The following NDST4 variants were observed in gnomAD, a reference collection of about 807,000 sequenced individuals.
NDST4 encodes the protein N-heparan sulfate sulfotransferase 4.
In NDST4, 63 loss-of-function variants were observed where a neutral mutation model predicts 100.8. That is an observed-to-expected ratio of 0.62 (90% CI 0.51 to 0.77). NDST4 has a LOEUF of 0.77. Ranked by LOEUF, NDST4 falls within the 30% of genes least tolerant of loss-of-function variation. The pLI is 0.00. For synonymous variants in NDST4, 377 were observed against 361.8 expected, an observed-to-expected ratio of 1.04 and a Z score of -0.48; for missense variants, 943 against 1,018.4, an observed-to-expected ratio of 0.93 and a Z score of 1.01.
chr4:114,952,039 T>G (rs1249202885), intron 4 of NDST4, among the ~76,000 whole-genome samples: 1 of 152,168 alleles, frequency 6.6e-6, no homozygotes, highest in East Asian at 1.9e-4. Flanking sequence ...ATAATTTTCA[T>G]GTATAGGTAT....
chr4:114,955,315 T>C (rs1352663920), intron 4 of NDST4, among the ~76,000 whole-genome samples: 1 of 152,014 alleles, frequency 6.6e-6, no homozygotes, highest in Non-Finnish European at 1.5e-5. Context: ...TAGTCATCAA[T>C]GAGTAAGTAG....
intron 6 of NDST4, among the ~76,000 whole-genome samples, chr4:114,915,475 G>A (rs1011498585): frequency 1.3e-5 from 2 of 152,148 alleles, no homozygotes; most frequent in South Asian, 4.1e-4. Context: ...CAGTCAAAAT[G>A]TGCAAAGAGT....
At chr4:114,936,165 G>A (rs1725624740) in intron 5 of NDST4, among the ~76,000 whole-genome samples, 1 of 151,482 alleles carries the variant, frequency 6.6e-6, no homozygotes, top group Non-Finnish European at 1.5e-5. Context: ...AGATACAGAA[G>A]GTAAAGGAAA....
At chr4:114,867,825 G>T (rs896948278) in intron 7 of NDST4, among the ~76,000 whole-genome samples, 3 of 152,052 alleles carry the variant, frequency 2.0e-5, no homozygotes, top group Non-Finnish European at 4.4e-5. Context: ...TACAGTCTGG[G>T]GATTGCATTT....
intron 6 of NDST4, among the ~76,000 whole-genome samples, chr4:114,889,553 G>A (rs1724548873): frequency 6.6e-6 from 1 of 152,130 alleles, no homozygotes; most frequent in Non-Finnish European, 1.5e-5. Flanking sequence ...GCCATATTTG[G>A]AACAAAGCAC....
chr4:115,042,114 A>G (rs1219242965), intron 2 of NDST4, among the ~76,000 whole-genome samples: 69 of 152,272 alleles, frequency 4.5e-4, no homozygotes, highest in Admixed American at 4.5e-3. Context: ...AAATATTAAT[A>G]AATGGAAAAT....
intron 2 of NDST4, among the ~76,000 whole-genome samples, chr4:115,057,709 CACACACACACACACACACACACACAG>C (rs1371992811): frequency 1.9e-3 from 210 of 111,692 alleles, no homozygotes; most frequent in African/African-American, 9.1e-3. Context: ...CACGCACACA[CACACACACACACACACACACACACAG>C]ACACACACAC....
Position 114,848,278 on chromosome 4 carries a change from C to T in NDST4, c.1877G>A (p.Ser626Asn), listed in dbSNP as rs1190816608. ...CTGAACTTCCTCAAATGTCTTTGGA[C>T]TAGGGAGATTGCTGATGATTGAAGG... ...MHPSIISNLP[S>N]PKTFEEVQFF... Residue 626 changes from serine (S) to asparagine (N), a missense_variant, in exon 9 of 14, where the codon AGT becomes AAT. Transcript: ENST00000264363. The T allele has an allele frequency of 6.2e-7, 1 of 1,609,932 alleles. No individual in the cohort carries two copies. The highest frequency in any genetic ancestry group is 1.1e-5 in the South Asian group (1 of 90,590).
At chr4:114,859,736 G>A (rs944338925) in intron 7 of NDST4, among the ~76,000 whole-genome samples, 2 of 152,182 alleles carry the variant, frequency 1.3e-5, no homozygotes, top group Non-Finnish European at 2.9e-5. Flanking sequence ...CTTGCCTCAA[G>A]GTGAGAAAAT....
At chr4:114,973,607 GTTTCTTTAC>G (rs1726564627) in intron 3 of NDST4, among the ~76,000 whole-genome samples, 1 of 151,676 alleles carries the variant, frequency 6.6e-6, no homozygotes, top group Admixed American at 6.6e-5. Context: ...CATGAAGTTT[GTTTCTTTAC>G]TATCACTTTT....
chr4:115,027,220 C>T (rs753636920), intron 2 of NDST4, among the ~76,000 whole-genome samples: 11 of 152,126 alleles, frequency 7.2e-5, no homozygotes, highest in African/African-American at 1.2e-4. Context: ...GGCAACACCA[C>T]GCATATGTTG....
intron 3 of NDST4, among the ~76,000 whole-genome samples, chr4:114,976,479 AAGTC>A (rs1465569651): frequency 6.6e-6 from 1 of 152,016 alleles, no homozygotes; most frequent in Non-Finnish European, 1.5e-5. Flanking sequence ...AGAAAATAAA[AAGTC>A]AGCATTTTGG....
At chr4:114,926,019 A>G (rs990707510) in intron 6 of NDST4, among the ~76,000 whole-genome samples, 1 of 152,118 alleles carries the variant, frequency 6.6e-6, no homozygotes, top group Non-Finnish European at 1.5e-5. Flanking sequence ...AACTTGAATG[A>G]TGGTGGACTA....
In NDST4 at chr4:114,986,821, TATA is replaced by T. The variant is rs1175151356; in HGVS notation, c.979-9550_979-9548del. Among the ~76,000 whole-genome samples, 6 of 126,728 alleles carry T rather than the reference TATA, an allele frequency of 4.7e-5. 1 individual carries two copies. The highest frequency in any genetic ancestry group is 2.7e-4 in the South Asian group (1 of 3,656). 83.1% of individuals were successfully genotyped at this position (126,728 alleles called of 152,430 possible). A position where few individuals can be genotyped will look rare whatever the true frequency, so the allele number is the denominator to read the frequency against. On this transcript the variant is annotated intron_variant, in intron 2 of 13. Coordinates refer to ENST00000264363, the MANE Select transcript of NDST4 (RefSeq NM_022569.3). ...ATATATATATATATATATATATATATATATATATATATTTTAATATACTATTCC... is the reference window on the plus strand; with the variant it reads ...ATATATATATATATATATATATATATTATATATATTTTAATATACTATTCC...
intron 2 of NDST4, among the ~76,000 whole-genome samples, chr4:114,983,172 C>T (rs1255521315): frequency 6.6e-6 from 1 of 152,234 alleles, no homozygotes; most frequent in Non-Finnish European, 1.5e-5. Flanking sequence ...GGTTGGAACA[C>T]CCTTTCCAAA....
At chr4:114,936,726 T>C (rs1165523485) in intron 5 of NDST4, among the ~76,000 whole-genome samples, 8 of 152,170 alleles carry the variant, frequency 5.3e-5, no homozygotes, top group Non-Finnish European at 1.0e-4. Flanking sequence ...GATTCCTACA[T>C]CCTATTATTT....
chr4:114,991,809 T>C (rs77839366), intron 2 of NDST4, among the ~76,000 whole-genome samples: 5,070 of 152,158 alleles, frequency 0.033, 291 homozygotes, highest in African/African-American at 0.12. Flanking sequence ...TCTGATGACA[T>C]ACACATTCTA....
In NDST4 at chr4:114,845,988, G is replaced by T. The variant is rs1467072946; in HGVS notation, c.1950C>A (p.Asp650Glu). Residue 650 changes from aspartate to glutamate, a missense_variant, in exon 10 of 14, where the codon GAC becomes GAA. By Grantham distance (45) the Asp-to-Glu change is conservative. This residue lies in a region of NDST4 where 526 missense variants were observed against 634.1 expected (regional missense o/e 0.83). Transcript: ENST00000264363. ...TAGTATTGGATGGTGTAGGGAAAAA[G>T]TCCATATACCTGAAGGCAGAGAAAG... Reference protein sequence around the residue: ...NYHKGIDWYMDFFPTPSNTTS... With the variant: ...NYHKGIDWYMEFFPTPSNTTS... 6.2e-7 allele frequency: 1 copy of T among 1,600,048 alleles called. No homozygotes were observed. The highest frequency in any genetic ancestry group is 8.6e-7 in the Non-Finnish European group (1 of 1,169,058).
intron 2 of NDST4, among the ~76,000 whole-genome samples, chr4:115,052,419 A>G (rs1728601778): frequency 6.6e-6 from 1 of 152,096 alleles, no homozygotes; most frequent in South Asian, 2.1e-4. Flanking sequence ...TTCATGTTAC[A>G]GTTTGGCTGT....
Sources: allele counts gnomAD v4.1 joint callset (sites outside exome capture counted in the v4.1 genomes callset), GRCh38; gene constraint gnomAD v4.1.1; regional missense constraint gnomAD v4.1.1; transcripts MANE v1.5; gene names NCBI Gene and HGNC (gene_info 2026-07-23, HGNC 2026-07-21).